GPC6: variants seen among roughly 807,000 people sequenced by gnomAD.
GPC6 encodes the protein glypican-6.
In GPC6, 14 loss-of-function variants were observed where a neutral mutation model predicts 55.2. That is an observed-to-expected ratio of 0.25 (90% CI 0.17 to 0.40). The LOEUF (loss-of-function observed/expected upper bound fraction) is 0.40. GPC6 is among the 10% of genes least tolerant of loss of function. The probability of loss-of-function intolerance (pLI) is 1.00; values close to 1 mark genes in which losing one functional copy is unlikely to be tolerated. For missense variants in GPC6, 641 were observed against 708.5 expected, an observed-to-expected ratio of 0.90 and a Z score of 1.08; for synonymous variants, 278 against 259.6, an observed-to-expected ratio of 1.07 and a Z score of -0.68.
At chr13:93,554,148 A>AG (rs1224850016) in intron 2 of GPC6, among the ~76,000 whole-genome samples, 6 of 151,504 alleles carry the variant, frequency 4.0e-5, no homozygotes, top group Admixed American at 6.6e-5. Context: ...ACTCTGTCAA[A>AG]AAAAAAAAAA....
At chr13:93,838,248 A>G (rs1887815784) in intron 3 of GPC6, among the ~76,000 whole-genome samples, 2 of 152,190 alleles carry the variant, frequency 1.3e-5, no homozygotes, top group African/African-American at 4.8e-5. Flanking sequence ...GTGTAGTGTA[A>G]TTAATCAGGG....
chr13:93,902,742 A>G lies in GPC6; in HGVS notation c.711+72197A>G, dbSNP rs1341875760. Among the ~76,000 whole-genome samples the G allele has an allele frequency of 5.3e-5, 8 of 152,286 alleles. No individual in the cohort carries two copies. In the South Asian group the frequency reaches 1.5e-3, roughly 28 times the overall value. ...TCTTTTTGAGAATAGTCAATCTAAC[A>G]GGTGTTTCATTGTGGTTTTCATTTG... On this transcript the variant is annotated intron_variant, in intron 3 of 8. Coordinates refer to ENST00000377047, the MANE Select transcript of GPC6 (RefSeq NM_005708.5).
chr13:94,042,942 C>T (rs1185280526), intron 4 of GPC6, among the ~76,000 whole-genome samples: 2 of 151,666 alleles, frequency 1.3e-5, no homozygotes, highest in Admixed American at 6.6e-5. Flanking sequence ...GTATTTATAT[C>T]GGTATGAGCT....
At chr13:94,188,864 A>T (rs1205535165) in intron 4 of GPC6, among the ~76,000 whole-genome samples, 1 of 152,162 alleles carries the variant, frequency 6.6e-6, no homozygotes, top group Non-Finnish European at 1.5e-5. Context: ...AAGTCTCACA[A>T]TCTGGTCAGT....
chr13:93,519,238 A>G (rs57834896), intron 1 of GPC6, among the ~76,000 whole-genome samples: 2,278 of 152,054 alleles, frequency 0.015, 52 homozygotes, highest in African/African-American at 0.052. Context: ...AATTTATAGA[A>G]TAGGTTTTAG....
At chr13:94,397,209 C>A (rs889341960) in intron 7 of GPC6, among the ~76,000 whole-genome samples, 14 of 151,636 alleles carry the variant, frequency 9.2e-5, no homozygotes, top group African/African-American at 3.4e-4. Context: ...GGGTGTCTCT[C>A]CAGTGAGAGA....
At chr13:93,362,911 A>G (rs938046934) in intron 1 of GPC6, among the ~76,000 whole-genome samples, 2 of 152,126 alleles carry the variant, frequency 1.3e-5, no homozygotes, top group African/African-American at 4.8e-5. Context: ...CCCAGATTCC[A>G]TCGCCCCACT....
intron 4 of GPC6, among the ~76,000 whole-genome samples, chr13:94,141,808 A>G (rs1273393901): frequency 1.3e-5 from 2 of 152,236 alleles, no homozygotes; most frequent in African/African-American, 2.4e-5. Flanking sequence ...CTGAATAACC[A>G]AAGGAATAGA....
chr13:93,312,272 C>T (rs1399650478), intron 1 of GPC6, among the ~76,000 whole-genome samples: 1 of 152,050 alleles, frequency 6.6e-6, no homozygotes, highest in East Asian at 1.9e-4. Context: ...TCGTTTATAT[C>T]AAAGTGTCAA....
chr13:94,072,055 G>A (rs1466318616), intron 4 of GPC6, among the ~76,000 whole-genome samples: 1 of 152,104 alleles, frequency 6.6e-6, no homozygotes, highest in Non-Finnish European at 1.5e-5. Context: ...TTTTAGTCAT[G>A]CTGTTTAGTG....
chr13:93,724,658 TA>T (rs1463666542), intron 2 of GPC6, among the ~76,000 whole-genome samples: 1 of 152,030 alleles, frequency 6.6e-6, no homozygotes, highest in Non-Finnish European at 1.5e-5. Context: ...ATCTGAGAAA[TA>T]AAGATTCAAC....
At chr13:94,337,223 T>C (rs1250780428) in intron 6 of GPC6, among the ~76,000 whole-genome samples, 1 of 152,188 alleles carries the variant, frequency 6.6e-6, no homozygotes, top group Non-Finnish European at 1.5e-5. Context: ...CATGGGGGCT[T>C]TGACTCATTG....
At chr13:93,540,671 A>T (rs1326250916) in intron 1 of GPC6, among the ~76,000 whole-genome samples, 1 of 152,164 alleles carries the variant, frequency 6.6e-6, no homozygotes, top group Non-Finnish European at 1.5e-5. Context: ...AACATTTATC[A>T]TTTCTTTGTG....
At chr13:93,496,200 A>T (rs1033318169) in intron 1 of GPC6, among the ~76,000 whole-genome samples, 1 of 151,948 alleles carries the variant, frequency 6.6e-6, no homozygotes, top group African/African-American at 2.4e-5. Flanking sequence ...GGACCCTCCG[A>T]GCCAGGTGTG....
intron 2 of GPC6, among the ~76,000 whole-genome samples, chr13:93,729,872 G>GA: frequency 6.6e-6 from 1 of 152,076 alleles, no homozygotes; most frequent in Admixed American, 6.5e-5. Flanking sequence ...TGCAAGAAGA[G>GA]AAAAAAATGG....
chr13:93,276,919 C>T (rs879691415), intron 1 of GPC6, among the ~76,000 whole-genome samples: 3 of 152,094 alleles, frequency 2.0e-5, no homozygotes, highest in Non-Finnish European at 2.9e-5. Context: ...ATTTTCTGTC[C>T]ATTTAATCTG....
intron 2 of GPC6, among the ~76,000 whole-genome samples, chr13:93,731,102 A>G (rs1359739224): frequency 3.3e-5 from 5 of 152,260 alleles, no homozygotes; most frequent in African/African-American, 9.6e-5. Flanking sequence ...GTGGGATACA[A>G]TGAAGGAAAA....
intron 1 of GPC6, among the ~76,000 whole-genome samples, chr13:93,392,321 A>AC (rs373681110): frequency 2.0e-4 from 30 of 152,210 alleles, no homozygotes; most frequent in African/African-American, 6.0e-4. Context: ...ATGATTTTTG[A>AC]CCCCCCTAAT....
chr13:94,244,263 C>T lies in GPC6; in HGVS notation c.878-42086C>T, dbSNP rs189775997. ...TCATTTTGGGGCCAGCACGTAACTCCGCAAAGCTTAATTATGTCCGCATTA... is the reference window on the plus strand; with the variant it reads ...TCATTTTGGGGCCAGCACGTAACTCTGCAAAGCTTAATTATGTCCGCATTA... On this transcript the variant is annotated intron_variant, in intron 4 of 8. Coordinates refer to ENST00000377047, the MANE Select transcript of GPC6 (RefSeq NM_005708.5). Among the ~76,000 whole-genome samples the T allele has an allele frequency of 3.3e-3, 506 of 152,252 alleles. 1 individual carries two copies. The highest frequency in any genetic ancestry group is 5.2e-3 in the Non-Finnish European group (353 of 68,010).
Sources: allele counts gnomAD v4.1 joint callset (sites outside exome capture counted in the v4.1 genomes callset), GRCh38; gene constraint gnomAD v4.1.1; transcripts MANE v1.5; gene names NCBI Gene and HGNC (gene_info 2026-07-23, HGNC 2026-07-21).